Variants in AFF2 observed in about 807,000 individuals in gnomAD.
AFF2 encodes the protein ALF transcription elongation factor 2, also known as AF4/FMR2 family member 2.
Under a neutral mutation model 76.9 loss-of-function variants are expected in AFF2, and 14 were observed. That is an observed-to-expected ratio of 0.18 (90% CI 0.12 to 0.28). AFF2 has a LOEUF of 0.28. AFF2 is among the 10% of genes least tolerant of loss of function. AFF2 has a pLI of 1.00. For synonymous variants in AFF2, 398 were observed against 366.7 expected, an observed-to-expected ratio of 1.09 and a Z score of -0.98; for missense variants, 868 against 1,001.1, an observed-to-expected ratio of 0.87 and a Z score of 1.79.
intron 1 of AFF2, among the ~76,000 whole-genome samples, chrX:148,567,770 A>C (rs1348686412): frequency 8.9e-6 from 1 of 112,102 alleles, no homozygotes; most frequent in East Asian, 2.8e-4. Context: ...TGGTCAAATG[A>C]CGCTATAAAT....
chrX:148,626,313 G>A (rs782200434), intron 1 of AFF2, among the ~76,000 whole-genome samples: 4 of 109,974 alleles, frequency 3.6e-5, no homozygotes, highest in African/African-American at 6.6e-5. Context: ...CTCCTGGTGC[G>A]AGTTCAGGTC....
intron 7 of AFF2, among the ~76,000 whole-genome samples, chrX:148,862,756 A>T (rs2070864514): frequency 5.3e-5 from 6 of 112,393 alleles, no homozygotes; most frequent in African/African-American, 1.9e-4. Context: ...TACTTCATTT[A>T]ATTATCATTT....
At chrX:148,509,340 A>G (rs1557232874) in intron 1 of AFF2, among the ~76,000 whole-genome samples, 1 of 111,558 alleles carries the variant, frequency 9.0e-6, no homozygotes. Context: ...GGGGACCCGG[A>G]GCATTGAATA....
At chrX:148,553,769 C>T (rs1160765902) in intron 1 of AFF2, among the ~76,000 whole-genome samples, 6 of 112,201 alleles carry the variant, frequency 5.3e-5, no homozygotes, top group African/African-American at 1.9e-4. Context: ...CCCTAACTTC[C>T]TTCCACTAAT....
intron 15 of AFF2, among the ~76,000 whole-genome samples, chrX:148,971,324 G>A (rs2072248804): frequency 9.9e-6 from 1 of 101,045 alleles, no homozygotes; most frequent in Non-Finnish European, 2.0e-5. Flanking sequence ...GAGGCGATAC[G>A]GGCTTTATGC....
At chrX:148,688,203 C>T (rs1056195575) in intron 3 of AFF2, among the ~76,000 whole-genome samples, 20 of 111,484 alleles carry the variant, frequency 1.8e-4, no homozygotes, top group African/African-American at 6.5e-4. Context: ...ACTGCTGAAC[C>T]CCTGCCTTTT....
At chrX:148,640,166 A>G (rs2054073351) in intron 1 of AFF2, among the ~76,000 whole-genome samples, 1 of 112,485 alleles carries the variant, frequency 8.9e-6, no homozygotes, top group Non-Finnish European at 1.9e-5. Context: ...GTCATGTTTC[A>G]AAAGAAGACT....
At chrX:148,792,516 G>A (rs1257424104) in intron 3 of AFF2, among the ~76,000 whole-genome samples, 3 of 112,847 alleles carry the variant, frequency 2.7e-5, no homozygotes, top group Non-Finnish European at 5.6e-5. Context: ...TGATAACAAA[G>A]GGCCTTGCTG....
At chrX:148,971,747 C>CTTTTTTTTTTTTTTTTTTTTATT (rs2072257643) in intron 15 of AFF2, among the ~76,000 whole-genome samples, 12 of 44,722 alleles carry the variant, frequency 2.7e-4, no homozygotes, top group East Asian at 1.7e-3. Context: ...TTTTCTATTT[C>CTTTTTTTTTTTTTTTTTTTTATT]TTTTTTTTTT....
chrX:148,830,858 C>T lies in AFF2; in HGVS notation c.1087-6789C>T, dbSNP rs144387012. ...ACTGGTCTGACCAAAATTTATTAAG[C>T]GGGAATTTCCTCATCCTAATAAGCC... On this transcript the variant is annotated intron_variant, in intron 4 of 20. Coordinates refer to ENST00000370460, the MANE Select transcript of AFF2 (RefSeq NM_002025.4). Among the ~76,000 whole-genome samples the T allele has an allele frequency of 2.2e-3, 240 of 110,984 alleles. 2 individuals carry two copies. In the East Asian group the frequency reaches 0.037, roughly 17 times the overall value.
chrX:148,555,921 AC>A (rs2053047359), intron 1 of AFF2, among the ~76,000 whole-genome samples: 1 of 112,388 alleles, frequency 8.9e-6, no homozygotes, highest in African/African-American at 3.2e-5. Context: ...CTAAAGAGAC[AC>A]GTAAACCACA....
At chrX:148,935,175 C>T (rs73640615) in intron 9 of AFF2, among the ~76,000 whole-genome samples, 5 of 106,812 alleles carry the variant, frequency 4.7e-5, no homozygotes, top group Admixed American at 3.0e-4. Flanking sequence ...TATATATATA[C>T]ACACACACAC....
chrX:148,871,989 G>A (rs907030321), intron 7 of AFF2, among the ~76,000 whole-genome samples: 8 of 111,327 alleles, frequency 7.2e-5, no homozygotes, highest in South Asian at 3.9e-4. Context: ...ACCTTCTGCC[G>A]TACTTCGTTA....
At chrX:148,843,058 AT>A in intron 6 of AFF2, 56 bp downstream of exon 6, 1 of 1,006,458 alleles carries the variant, frequency 9.9e-7, no homozygotes, top group Non-Finnish European at 1.4e-6. Context: ...CTGCTCCCTC[AT>A]TTTTTCCTTT....
intron 7 of AFF2, among the ~76,000 whole-genome samples, chrX:148,877,072 G>T (rs782436768): frequency 8.9e-6 from 1 of 112,070 alleles, no homozygotes; most frequent in African/African-American, 3.2e-5. Context: ...CAGTCATCTG[G>T]CCTCTTTTGG....
At chrX:148,735,124 C>T (rs1258582155) in intron 3 of AFF2, among the ~76,000 whole-genome samples, 5 of 112,024 alleles carry the variant, frequency 4.5e-5, no homozygotes, top group African/African-American at 1.6e-4. Context: ...ACATGTATCT[C>T]AGGCTTTAAA....
At chrX:148,836,453 C>T (rs1345326885) in intron 4 of AFF2, among the ~76,000 whole-genome samples, 1 of 111,175 alleles carries the variant, frequency 9.0e-6, no homozygotes, top group Non-Finnish European at 1.9e-5. Context: ...ATTAATATTA[C>T]CTTTGAAATG....
At chrX:148,885,508 CTCT>C (rs1273528362) in intron 7 of AFF2, among the ~76,000 whole-genome samples, 2 of 110,935 alleles carry the variant, frequency 1.8e-5, no homozygotes, top group Non-Finnish European at 3.8e-5. Context: ...TATCATGCCC[CTCT>C]TCTTTCATGG....
At chrX:148,815,735 T>C (rs1233583174) in intron 4 of AFF2, among the ~76,000 whole-genome samples, 1 of 111,324 alleles carries the variant, frequency 9.0e-6, no homozygotes, top group Non-Finnish European at 1.9e-5. Flanking sequence ...CAGTGAATCA[T>C]GGGAACCTGT....
Sources: allele counts gnomAD v4.1 joint callset (sites outside exome capture counted in the v4.1 genomes callset), GRCh38; gene constraint gnomAD v4.1.1; transcripts MANE v1.5; gene names NCBI Gene and HGNC (gene_info 2026-07-23, HGNC 2026-07-21).